Variants in STAG1 observed in about 807,000 individuals in gnomAD.
The protein encoded by STAG1 is cohesin subunit SA-1.
In STAG1, 26 loss-of-function variants were observed where a neutral mutation model predicts 170.9. The observed-to-expected ratio is 0.15, with a 90% confidence interval of 0.11 to 0.21. STAG1 has a LOEUF of 0.21. Among genes scored for constraint, STAG1 ranks in the 10% least tolerant of loss-of-function variants. The pLI is 1.00. For synonymous variants in STAG1, 514 were observed against 497.7 expected (o/e 1.03, Z -0.44); for missense variants, 964 against 1,509.5 (o/e 0.64, Z 5.99).
At chr3:136,648,269 G>C (rs1338953656) in intron 1 of STAG1, among the ~76,000 whole-genome samples, 1 of 152,140 alleles carries the variant, frequency 6.6e-6, no homozygotes, top group East Asian at 1.9e-4. Context: ...ACCTGGGTTT[G>C]GGGAGTATTC....
intron 1 of STAG1, among the ~76,000 whole-genome samples, chr3:136,645,632 T>C (rs1273468055): frequency 6.6e-6 from 1 of 152,254 alleles, no homozygotes; most frequent in Admixed American, 6.5e-5. Flanking sequence ...ATATTAAGCT[T>C]TATGGGTAAA....
chr3:136,498,159 T>G (rs1193899852), intron 9 of STAG1, among the ~76,000 whole-genome samples: 2 of 139,914 alleles, frequency 1.4e-5, no homozygotes, highest in African/African-American at 5.4e-5. Context: ...GCCAGTGCAC[T>G]CCAGCCTGGG....
At chr3:136,475,623 G>GT (rs2089730006) in intron 10 of STAG1, among the ~76,000 whole-genome samples, 1 of 152,206 alleles carries the variant, frequency 6.6e-6, no homozygotes, top group African/African-American at 2.4e-5. Flanking sequence ...TTGCTATGAG[G>GT]TAAGACTCAA....
chr3:136,461,054 TACATC>T (rs1240541000), intron 13 of STAG1, among the ~76,000 whole-genome samples: 1 of 152,180 alleles, frequency 6.6e-6, no homozygotes, highest in Non-Finnish European at 1.5e-5. Context: ...GTAAATGTGA[TACATC>T]ACATCAACAG....
At chr3:136,564,887 C>T (rs917178421) in intron 5 of STAG1, among the ~76,000 whole-genome samples, 3 of 149,152 alleles carry the variant, frequency 2.0e-5, no homozygotes, top group African/African-American at 7.5e-5. Context: ...TGAGCAATCG[C>T]CATTAGAAGG....
chr3:136,731,841 A>G (rs905721813), intron 1 of STAG1, among the ~76,000 whole-genome samples: 3 of 152,218 alleles, frequency 2.0e-5, no homozygotes, highest in African/African-American at 7.2e-5. Flanking sequence ...TGCTATCTAA[A>G]TATCAACATT....
chr3:136,467,840 T>C (rs964273580), intron 12 of STAG1, among the ~76,000 whole-genome samples: 1 of 152,112 alleles, frequency 6.6e-6, no homozygotes, highest in Non-Finnish European at 1.5e-5. Flanking sequence ...AAACTAGAAC[T>C]CAGGATTAAG....
chr3:136,743,961 G>A (rs1042856933), intron 1 of STAG1, among the ~76,000 whole-genome samples: 3 of 152,232 alleles, frequency 2.0e-5, no homozygotes, highest in African/African-American at 4.8e-5. Context: ...AAAGACATAC[G>A]GTTTATTTCT....
intron 1 of STAG1, among the ~76,000 whole-genome samples, chr3:136,642,733 G>A (rs1184962226): frequency 6.6e-6 from 1 of 152,146 alleles, no homozygotes; most frequent in Non-Finnish European, 1.5e-5. Context: ...CAAAAAGCTG[G>A]ATGGCTTTGA....
At position 136,338,137 on chromosome 3, in the gene STAG1, T is replaced by A; in HGVS notation, c.*117A>T. On this transcript the variant is annotated 3_prime_UTR_variant, in exon 34 of 34. Transcript: ENST00000383202. ...CAAAAAGGGATTGACCTTAATCATT[T>A]GATTAAAAAACAAATCAGATCACAT... 1.4e-6 allele frequency: 1 copy of A among 707,022 alleles called. No individual in the cohort carries two copies. Among genetic ancestry groups the A allele is most frequent in the South Asian group, 1.8e-5 (1 of 56,542 alleles). The allele number at this position is 707,022 out of a possible 1,614,324, so 43.8% of individuals were successfully genotyped here. A position where few individuals can be genotyped will look rare whatever the true frequency, so the allele number is the denominator to read the frequency against.
intron 22 of STAG1, among the ~76,000 whole-genome samples, chr3:136,386,060 G>A (rs543639897): frequency 2.6e-5 from 4 of 152,130 alleles, no homozygotes; most frequent in Admixed American, 1.3e-4. Flanking sequence ...AGTCTTGGCC[G>A]GGCGCAGTGG....
intron 4 of STAG1, among the ~76,000 whole-genome samples, chr3:136,586,422 C>T (rs1937828327): frequency 6.6e-6 from 1 of 152,082 alleles, no homozygotes; most frequent in Non-Finnish European, 1.5e-5. Flanking sequence ...CTAAAACACC[C>T]ATGTTAATTT....
At chr3:136,654,812 T>C (rs1941323481) in intron 1 of STAG1, among the ~76,000 whole-genome samples, 1 of 152,028 alleles carries the variant, frequency 6.6e-6, no homozygotes, top group South Asian at 2.1e-4. Context: ...TATTGACCAA[T>C]GGAATAGAAA....
At chr3:136,535,993 G>T (rs1042691706) in intron 6 of STAG1, among the ~76,000 whole-genome samples, 1 of 151,970 alleles carries the variant, frequency 6.6e-6, no homozygotes, top group African/African-American at 2.4e-5. Flanking sequence ...AATTTTGTAC[G>T]AGTTTTAAAA....
intron 22 of STAG1, among the ~76,000 whole-genome samples, chr3:136,397,339 G>A (rs1245531806): frequency 2.0e-5 from 3 of 152,104 alleles, no homozygotes; most frequent in African/African-American, 4.8e-5. Context: ...GGTTTTACTT[G>A]TGGAAAATTC....
chr3:136,566,252 G>T (rs867941869), intron 5 of STAG1, among the ~76,000 whole-genome samples: 16 of 152,112 alleles, frequency 1.1e-4, no homozygotes, highest in African/African-American at 3.6e-4. Context: ...GATTAGTGCC[G>T]TTATAAAGGG....
At chr3:136,731,870 T>C (rs1934062393) in intron 1 of STAG1, among the ~76,000 whole-genome samples, 1 of 152,204 alleles carries the variant, frequency 6.6e-6, no homozygotes, top group Admixed American at 6.5e-5. Context: ...CCTGTGCACT[T>C]ATCAGCTAGT....
intron 7 of STAG1, among the ~76,000 whole-genome samples, chr3:136,505,478 CAT>C (rs1933710092): frequency 6.6e-6 from 1 of 152,150 alleles, no homozygotes; most frequent in South Asian, 2.1e-4. Context: ...ATTTTAATAA[CAT>C]GACACTAATA....
At chr3:136,448,650 C>G (rs1187844775) in intron 14 of STAG1, among the ~76,000 whole-genome samples, 2 of 152,116 alleles carry the variant, frequency 1.3e-5, no homozygotes, top group Non-Finnish European at 1.5e-5. Context: ...CTATAAAAGA[C>G]TCCCTTGGCT....
Sources: allele counts gnomAD v4.1 joint callset (sites outside exome capture counted in the v4.1 genomes callset), GRCh38; gene constraint gnomAD v4.1.1; transcripts MANE v1.5; gene names NCBI Gene and HGNC (gene_info 2026-07-23, HGNC 2026-07-21).